The following ITLN1 variants were observed in gnomAD, a reference collection of about 807,000 sequenced individuals.
ITLN1 encodes intelectin-1.
A neutral mutation model predicts 36.2 loss-of-function variants in ITLN1; 29 were observed. The observed-to-expected ratio is 0.80, with a 90% CI of 0.60 to 1.09. The LOEUF is 1.09. ITLN1 is among the 50% of genes least tolerant of loss of function. The pLI, the probability that ITLN1 is intolerant of heterozygous loss-of-function variation, is 0.00. For synonymous variants in ITLN1, 143 were observed against 146.5 expected (o/e 0.98, Z 0.17); for missense variants, 358 against 405.2 (o/e 0.88, Z 1.00).
chr1:160,882,701 T>C (rs996966662), intron 3 of ITLN1, among the ~76,000 whole-genome samples: 1 of 152,122 alleles, frequency 6.6e-6, no homozygotes, highest in Non-Finnish European at 1.5e-5. Context: ...CAAAACACTG[T>C]GCTAAGTGAA....
chr1:160,883,554 T>A (rs1276030755), intron 2 of ITLN1, 28 bp from the exon 3 acceptor site: 3 of 1,506,000 alleles, frequency 2.0e-6, no homozygotes, highest in Non-Finnish European at 2.8e-6. Flanking sequence ...TTTATTCTCA[T>A]TCCCGGTTTG....
chr1:160,876,855 C>A, intron 7 of ITLN1, 39 bp from the exon 8 acceptor site: 1 of 1,605,160 alleles, frequency 6.2e-7, no homozygotes, highest in Non-Finnish European at 8.5e-7. Flanking sequence ...AATGAGAGAT[C>A]TGCCAGTGAG....
In ITLN1 at chr1:160,883,635, G is replaced by A. The variant is rs1306459425; in HGVS notation, c.59-109C>T. The A allele has an allele frequency of 1.1e-5, 8 of 718,018 alleles. 1 individual carries two copies. Among genetic ancestry groups the A allele is most frequent in the South Asian group, 8.0e-5 (5 of 62,660 alleles). 44.5% of individuals were successfully genotyped at this position (718,018 alleles called of 1,614,324 possible). A position where few individuals can be genotyped will look rare whatever the true frequency, so the allele number is the denominator to read the frequency against. Reference sequence around the variant, plus strand: ...CCACTGTAGCAGAACCTCGCTGCCCGGGTGGTAAGGCCTGAGACAGCCAGT... The same window carrying A: ...CCACTGTAGCAGAACCTCGCTGCCCAGGTGGTAAGGCCTGAGACAGCCAGT... On this transcript the variant is annotated intron_variant, in intron 2 of 7. Coordinates refer to ENST00000326245, the MANE Select transcript of ITLN1 (RefSeq NM_017625.3).
At chr1:160,877,013 G>A (rs993635266) in intron 7 of ITLN1, among the ~76,000 whole-genome samples, 197 bp from the exon 8 acceptor site, 1 of 152,208 alleles carries the variant, frequency 6.6e-6, no homozygotes, top group Admixed American at 6.5e-5. Flanking sequence ...CGAAGAGGGT[G>A]GATCACTTGA....
Position 160,884,840 on chromosome 1 carries a change from G to A in ITLN1, c.38C>T (p.Thr13Ile), listed in dbSNP as rs764363137. The A allele has an allele frequency of 1.2e-6, 2 of 1,613,106 alleles. No homozygotes were observed. Among genetic ancestry groups the A allele is most frequent in the South Asian group, 2.2e-5 (2 of 91,034 alleles). ...CTCACCTGTACTCCATCCTCTGGTG[G>A]TCGCTATGAGAAACAGCAGGAAGCT... ...QLSFLLFLIA[T>I]TRGWSTDEAN... The change falls in exon 2 of 8, where the codon ACC becomes ATC. Residue 13 changes from threonine to isoleucine, a missense_variant. Physicochemically the swap from Thr to Ile is moderately conservative, Grantham distance 89. Transcript: ENST00000326245.
chr1:160,876,952 A>G (rs1670597652), intron 7 of ITLN1, 136 bp from the exon 8 acceptor site: 2 of 916,172 alleles, frequency 2.2e-6, no homozygotes, highest in Non-Finnish European at 3.3e-6. Context: ...TTCTTCCCAT[A>G]AAAACCTCTC....
At chr1:160,880,032 G>T (rs1045807916) in intron 6 of ITLN1, among the ~76,000 whole-genome samples, 2 of 152,122 alleles carry the variant, frequency 1.3e-5, no homozygotes, top group East Asian at 3.9e-4. Context: ...CTGGCCGGGC[G>T]TGGTGGCTCA....
At chr1:160,879,540 G>A in intron 6 of ITLN1, 126 bp from the exon 7 acceptor site, 1 of 716,816 alleles carries the variant, frequency 1.4e-6, no homozygotes, top group Non-Finnish European at 2.4e-6. Flanking sequence ...TACTGGTGGA[G>A]CCCAGCACCC....
chr1:160,883,069 T>C (rs1670706255), intron 3 of ITLN1, among the ~76,000 whole-genome samples: 2 of 152,112 alleles, frequency 1.3e-5, no homozygotes, highest in Non-Finnish European at 2.9e-5. Flanking sequence ...GGCCCCACCA[T>C]GTTAGCCAAG....
chr1:160,880,835 CA>C, intron 5 of ITLN1, 127 bp from the exon 6 acceptor site: 2 of 1,164,018 alleles, frequency 1.7e-6, no homozygotes, highest in Non-Finnish European at 2.5e-6. Flanking sequence ...ACTTCAAAAC[CA>C]GTCAAAATAA....
In ITLN1 at chr1:160,884,854, C is replaced by G; in HGVS notation, c.24G>C (p.Leu8=). ...ATCCTCTGGTGGTCGCTATGAGAAA[C>G]AGCAGGAAGCTGAGTTGGTTCATTG... is the stretch of plus-strand genomic sequence containing the variant. MNQLSFL[L]FLIATTRGWS... is the part of the protein sequence containing the mutation. Residue 8 remains leucine, a synonymous_variant, in exon 2 of 8, where the codon CTG becomes CTC. Coordinates refer to ENST00000326245, the MANE Select transcript of ITLN1 (RefSeq NM_017625.3). 1 of 1,613,240 alleles carries G rather than the reference C, an allele frequency of 6.2e-7. No homozygotes were observed.
chr1:160,877,114 T>G (rs1273438163), intron 7 of ITLN1, among the ~76,000 whole-genome samples: 1 of 152,160 alleles, frequency 6.6e-6, no homozygotes, highest in Non-Finnish European at 1.5e-5. Context: ...GGCAAGCACC[T>G]GTAGTCCCAC....
rs995714168 is a variant in ITLN1, at chr1:160,880,537, T to G, written c.685+51A>C. 5 of 1,595,108 alleles carry G rather than the reference T, an allele frequency of 3.1e-6. No homozygotes were observed. In the African/African-American group the frequency reaches 5.4e-5, roughly 17 times the overall value. On this transcript the variant is annotated intron_variant, in intron 6 of 7. Coordinates refer to ENST00000326245, the MANE Select transcript of ITLN1 (RefSeq NM_017625.3). ...ATGCATAACTGTTACCTAGCATAGT[T>G]GAATGTATTCCCTTTCCTACCAGGA... is the stretch of plus-strand genomic sequence containing the variant.
At chr1:160,881,891 G>T in intron 4 of ITLN1, 66 bp downstream of exon 4, 6 of 1,608,676 alleles carry the variant, frequency 3.7e-6, no homozygotes, top group Non-Finnish European at 4.2e-6. Flanking sequence ...CATCCCTCCT[G>T]CAGGCTTGTG....
chr1:160,882,784 G>A (rs1331882214), intron 3 of ITLN1, among the ~76,000 whole-genome samples: 3 of 152,136 alleles, frequency 2.0e-5, no homozygotes, highest in Non-Finnish European at 4.4e-5. Flanking sequence ...GCAAATTCAT[G>A]GAGATAGAAA....
Position 160,879,412 on chromosome 1 carries a change from C to G in ITLN1, c.688G>C (p.Glu230Gln). 6.2e-7 allele frequency: 1 copy of G among 1,613,160 alleles called. No individual in the cohort carries two copies. The stretch of plus-strand genomic sequence containing the variant: ...AACTGAACAAATCCCGCAGTGAATT[C>G]CCCTGAAAACAAGAGGCAGAAAACA... ...ASYYSPYGQREFTAGFVQFRV... is the reference protein window; with the variant it reads ...ASYYSPYGQRQFTAGFVQFRV... The change falls in exon 7 of 8, where the codon GAA becomes CAA. Residue 230 changes from glutamate to glutamine, a missense_variant and splice_region_variant. By Grantham distance (29) the Glu-to-Gln change is conservative (BLOSUM62 2). Transcript: ENST00000326245.
intron 6 of ITLN1, 27 bp downstream of exon 6, chr1:160,880,561 G>T (rs1670658549): frequency 6.2e-7 from 1 of 1,611,376 alleles, no homozygotes; most frequent in South Asian, 1.1e-5. Context: ...TTCCTACCAG[G>T]AGTTCAGAGG....
At position 160,877,315 on chromosome 1, in the gene ITLN1, T is replaced by C. The variant is rs530837762; in HGVS notation, c.790-499A>G. Among the ~76,000 whole-genome samples the C allele has an allele frequency of 2.0e-5, 3 of 152,308 alleles. No homozygotes were observed. The South Asian group carries it at 6.2e-4, about 32-fold the overall frequency. On this transcript the variant is annotated intron_variant, in intron 7 of 7. Transcript: ENST00000326245. ...GACTTCCTTTCAACTTTTCTGAATA[T>C]TCATGCTCAGAGCCCCTGCCTGTTC...
chr1:160,880,081 G>A (rs1018666395), intron 6 of ITLN1, among the ~76,000 whole-genome samples: 1 of 152,100 alleles, frequency 6.6e-6, no homozygotes, highest in Non-Finnish European at 1.5e-5. Context: ...GAAGGGGGCG[G>A]ATCGCCAAAG....
Sources: allele counts gnomAD v4.1 joint callset (sites outside exome capture counted in the v4.1 genomes callset), GRCh38; gene constraint gnomAD v4.1.1; transcripts MANE v1.5; gene names NCBI Gene and HGNC (gene_info 2026-07-23, HGNC 2026-07-21).